METTL15: variants seen among roughly 807,000 people sequenced by gnomAD.
The protein encoded by METTL15 is 12S rRNA N(4)-cytidine methyltransferase METTL15.
A neutral mutation model predicts 38.3 loss-of-function variants in METTL15; 34 were observed. The ratio of observed to expected loss-of-function variants is 0.89; its 90% CI spans 0.68 to 1.18. METTL15 has a LOEUF of 1.18. Ranked by LOEUF, METTL15 falls within the 50% of genes most tolerant of loss-of-function variation. The pLI is 0.00. For synonymous variants in METTL15, 162 were observed against 170.9 expected, an observed-to-expected ratio of 0.95 and a Z score of 0.41; for missense variants, 438 against 498.4, an observed-to-expected ratio of 0.88 and a Z score of 1.15.
At chr11:28,420,810 C>G (rs140115771) in intron 5 of METTL15, among the ~76,000 whole-genome samples, 1 of 151,846 alleles carries the variant, frequency 6.6e-6, no homozygotes, top group Non-Finnish European at 1.5e-5. Flanking sequence ...TCCTAAAGAA[C>G]TAGGAAAGCA....
At chr11:28,396,318 A>T (rs1850568269) in intron 5 of METTL15, among the ~76,000 whole-genome samples, 1 of 152,320 alleles carries the variant, frequency 6.6e-6, no homozygotes, top group Non-Finnish European at 1.5e-5. Flanking sequence ...ATGTTTGCAG[A>T]TGACATAATT....
chr11:28,259,816 T>G (rs1855126874), intron 4 of METTL15, among the ~76,000 whole-genome samples: 1 of 152,224 alleles, frequency 6.6e-6, no homozygotes, highest in African/African-American at 2.4e-5. Context: ...CTCACCTGAC[T>G]TTTGGTTCTT....
chr11:28,198,616 C>G (rs1203128220), intron 3 of METTL15, among the ~76,000 whole-genome samples: 1 of 151,898 alleles, frequency 6.6e-6, no homozygotes, highest in Non-Finnish European at 1.5e-5. Flanking sequence ...AGTTTTTTCC[C>G]TTTTGTATAA....
At chr11:28,360,293 C>G (rs1435315285) in intron 4 of METTL15, among the ~76,000 whole-genome samples, 2 of 152,202 alleles carry the variant, frequency 1.3e-5, no homozygotes, top group Non-Finnish European at 2.9e-5. Flanking sequence ...CACCACCTCA[C>G]CTCTCATCCC....
In METTL15 at chr11:28,293,962, A is replaced by G. The variant is rs1413059028; in HGVS notation, c.600-2791A>G. ...CAGCTTAAGGAGATTTTGGGCTGAG[A>G]CGATGGGGTTTTCTAGATATACAAT... is the stretch of plus-strand genomic sequence containing the variant. On this transcript the variant is annotated intron_variant, in intron 5 of 6. Transcript: ENST00000407364. 5.3e-5 allele frequency among the ~76,000 whole-genome samples: 8 copies of G among 152,286 alleles called. No individual in the cohort carries two copies. In the East Asian group the frequency reaches 1.5e-3, roughly 29 times the overall value.
chr11:28,160,064 AAT>A (rs1352254176), intron 3 of METTL15, among the ~76,000 whole-genome samples: 7 of 152,016 alleles, frequency 4.6e-5, no homozygotes, highest in African/African-American at 1.7e-4. Context: ...GCATGGCTAG[AAT>A]AAAAGAGCAG....
At chr11:28,169,438 A>G (rs1850774303) in intron 3 of METTL15, among the ~76,000 whole-genome samples, 1 of 152,138 alleles carries the variant, frequency 6.6e-6, no homozygotes, top group Non-Finnish European at 1.5e-5. Flanking sequence ...AAATTATATT[A>G]GAAATTAAAA....
chr11:28,296,737 CTCT>C lies in METTL15; in HGVS notation c.600-11_600-9del. ...GAACTGATGTCAGTGAACTAATTGG[CTCT>C]TCTTGTGCGTAGGTACCCTGACATG... On this transcript the variant is annotated splice_polypyrimidine_tract_variant and intron_variant, in intron 5 of 6. Coordinates refer to ENST00000407364, the MANE Select transcript of METTL15 (RefSeq NM_001113528.2). 6.2e-7 allele frequency: 1 copy of C among 1,611,538 alleles called. No individual in the cohort carries two copies. Among genetic ancestry groups the C allele is most frequent in the South Asian group, 1.1e-5 (1 of 90,972 alleles).
intron 5 of METTL15, among the ~76,000 whole-genome samples, chr11:28,391,111 A>C (rs1160467217): frequency 6.6e-6 from 1 of 152,090 alleles, no homozygotes; most frequent in Non-Finnish European, 1.5e-5. Flanking sequence ...GTTGCTTATC[A>C]GCTTAAGGAG....
chr11:28,308,392 A>G (rs1190746749), intron 6 of METTL15, among the ~76,000 whole-genome samples: 1 of 151,858 alleles, frequency 6.6e-6, no homozygotes, highest in African/African-American at 2.4e-5. Flanking sequence ...TGTATTTCCC[A>G]CGTCTTTCTA....
At chr11:28,161,028 A>G (rs981792666) in intron 3 of METTL15, among the ~76,000 whole-genome samples, 1 of 152,088 alleles carries the variant, frequency 6.6e-6, no homozygotes, top group African/African-American at 2.4e-5. Flanking sequence ...AATAAAAGCA[A>G]AGTAAATCAC....
At chr11:28,319,680 G>C (rs918637763) in intron 6 of METTL15, among the ~76,000 whole-genome samples, 10 of 152,054 alleles carry the variant, frequency 6.6e-5, no homozygotes, top group African/African-American at 2.2e-4. Flanking sequence ...TCTACCTCTG[G>C]TATTTTCCCA....
chr11:28,170,155 G>A (rs966081469), intron 3 of METTL15, among the ~76,000 whole-genome samples: 1 of 152,178 alleles, frequency 6.6e-6, no homozygotes, highest in Non-Finnish European at 1.5e-5. Flanking sequence ...CTCACCAGAA[G>A]ATAGCAATAG....
chr11:28,176,006 A>T (rs1246564168), intron 3 of METTL15, among the ~76,000 whole-genome samples: 5 of 152,038 alleles, frequency 3.3e-5, no homozygotes, highest in Non-Finnish European at 2.9e-5. Context: ...GGTCAATTTA[A>T]TATTACTAAG....
chr11:28,237,979 A>C (rs1056682438), intron 4 of METTL15, among the ~76,000 whole-genome samples: 3 of 152,096 alleles, frequency 2.0e-5, no homozygotes, highest in African/African-American at 4.8e-5. Flanking sequence ...TTCTCAGAGG[A>C]GTACCCGGCC....
chr11:28,511,398 A>G (rs1393523967), intron 6 of METTL15, among the ~76,000 whole-genome samples: 2 of 152,232 alleles, frequency 1.3e-5, no homozygotes, highest in Non-Finnish European at 2.9e-5. Context: ...ATCATAAGGA[A>G]GAGAAAATGT....
At chr11:28,494,236 A>G (rs1851518794) in intron 6 of METTL15, among the ~76,000 whole-genome samples, 1 of 152,216 alleles carries the variant, frequency 6.6e-6, no homozygotes, top group Non-Finnish European at 1.5e-5. Context: ...AGGCCATGCA[A>G]CAGGGGTCGA....
At chr11:28,306,625 GT>G (rs1857091618) in intron 6 of METTL15, among the ~76,000 whole-genome samples, 1 of 152,002 alleles carries the variant, frequency 6.6e-6, no homozygotes, top group African/African-American at 2.4e-5. Context: ...TAAAGTAGTA[GT>G]GTCACACATC....
chr11:28,505,212 G>A (rs1399505981), intron 6 of METTL15, among the ~76,000 whole-genome samples: 1 of 150,792 alleles, frequency 6.6e-6, no homozygotes, highest in Non-Finnish European at 1.5e-5. Flanking sequence ...ATAGAGATTC[G>A]GGTATATTTT....
Sources: gnomAD v4.1 joint callset for allele counts (sites outside exome capture counted in the v4.1 genomes callset) on GRCh38, gnomAD v4.1.1 for gene constraint, MANE v1.5 for transcripts, NCBI Gene and HGNC (gene_info 2026-07-23, HGNC 2026-07-21) for gene names.